Variants in NKAIN2 observed in about 807,000 individuals in gnomAD.
The protein encoded by NKAIN2 is sodium/potassium-transporting ATPase subunit beta-1-interacting protein 2.
A neutral mutation model predicts 32.6 loss-of-function variants in NKAIN2; 14 were observed. The ratio of observed to expected loss-of-function variants is 0.43; its 90% CI spans 0.28 to 0.67. The LOEUF is 0.67. Among genes scored for constraint, NKAIN2 ranks in the 30% least tolerant of loss-of-function variants. NKAIN2 has a pLI of 0.17. For missense variants in NKAIN2, 198 were observed against 258.3 expected (o/e 0.77, Z 1.60); for synonymous variants, 80 against 87.2 (o/e 0.92, Z 0.46).
chr6:124,423,419 A>G (rs1774843030), intron 3 of NKAIN2, among the ~76,000 whole-genome samples: 1 of 152,210 alleles, frequency 6.6e-6, no homozygotes, highest in Admixed American at 6.5e-5. Context: ...AATGTACATA[A>G]TAATACCTAC....
intron 5 of NKAIN2, among the ~76,000 whole-genome samples, chr6:124,817,059 T>C (rs1781198706): frequency 6.6e-6 from 1 of 152,158 alleles, no homozygotes; most frequent in South Asian, 2.1e-4. Flanking sequence ...CTCTGTTCTC[T>C]GATGTCAGAA....
chr6:123,981,493 A>G (rs1582880110), intron 1 of NKAIN2, among the ~76,000 whole-genome samples: 2 of 152,094 alleles, frequency 1.3e-5, no homozygotes, highest in African/African-American at 4.8e-5. Context: ...GTGAATGCAG[A>G]CCTTCCCATT....
Position 123,833,626 on chromosome 6 carries a change from A to G in NKAIN2, c.54+29372A>G, listed in dbSNP as rs553327982. 6.7e-5 allele frequency among the ~76,000 whole-genome samples: 10 copies of G among 149,950 alleles called. No homozygotes were observed. In the East Asian group the frequency reaches 1.6e-3, roughly 23 times the overall value. On this transcript the variant is annotated intron_variant, in intron 1 of 6. Coordinates refer to ENST00000368417, the MANE Select transcript of NKAIN2 (RefSeq NM_001040214.3). ...AGTTTTCCTCACACGGATTTTGTAT[A>G]TCTTTTATAGATTTGTACCTGATTT...
chr6:124,173,509 A>T (rs1788999597), intron 1 of NKAIN2, among the ~76,000 whole-genome samples: 1 of 152,114 alleles, frequency 6.6e-6, no homozygotes, highest in Admixed American at 6.6e-5. Context: ...GAAAGTGCAT[A>T]AAAAATGCAA....
chr6:124,199,993 T>A (rs901601245), intron 1 of NKAIN2, among the ~76,000 whole-genome samples: 1 of 152,142 alleles, frequency 6.6e-6, no homozygotes, highest in Non-Finnish European at 1.5e-5. Flanking sequence ...TAAGTAATTT[T>A]AAAAATGTAA....
At chr6:124,465,834 T>C (rs1415300379) in intron 3 of NKAIN2, among the ~76,000 whole-genome samples, 1 of 152,096 alleles carries the variant, frequency 6.6e-6, no homozygotes, top group Non-Finnish European at 1.5e-5. Context: ...CATCAATAGT[T>C]AGAAAGTTTT....
chr6:124,469,045 A>C (rs1219518313), intron 3 of NKAIN2, among the ~76,000 whole-genome samples: 1 of 152,126 alleles, frequency 6.6e-6, no homozygotes, highest in South Asian at 2.1e-4. Flanking sequence ...ACACTGTGTA[A>C]CTCCAGAGAC....
intron 3 of NKAIN2, among the ~76,000 whole-genome samples, chr6:124,480,990 G>A (rs1020999370): frequency 5.9e-5 from 9 of 152,008 alleles, no homozygotes; most frequent in East Asian, 1.9e-4. Flanking sequence ...AACACTGGGC[G>A]TTTACAAGAG....
At chr6:124,605,768 A>G (rs11154250) in intron 3 of NKAIN2, among the ~76,000 whole-genome samples, 26,208 of 152,064 alleles carry the variant, frequency 0.17, 2,488 homozygotes, top group Middle Eastern at 0.24. Context: ...TGGCTACCTA[A>G]AAGGAGGACA....
In NKAIN2 at chr6:124,735,989, T is replaced by C. The variant is rs150865157; in HGVS notation, c.475-55350T>C. Among the ~76,000 whole-genome samples the C allele has an allele frequency of 2.5e-3, 380 of 152,044 alleles. 1 individual carries two copies. Among genetic ancestry groups the C allele is most frequent in the African/African-American group, 8.5e-3 (354 of 41,526 alleles). ...GCTTTAAATCAAAAGCTAGAAATGATTCAGCTTAGTGGAGGAAGAAGGCAT... is the reference window on the plus strand; with the variant it reads ...GCTTTAAATCAAAAGCTAGAAATGACTCAGCTTAGTGGAGGAAGAAGGCAT... On this transcript the variant is annotated intron_variant, in intron 4 of 6. Transcript: ENST00000368417.
chr6:124,706,856 TA>T (rs1775103149), intron 4 of NKAIN2, among the ~76,000 whole-genome samples: 1 of 152,186 alleles, frequency 6.6e-6, no homozygotes, highest in Admixed American at 6.5e-5. Flanking sequence ...TTTTTTTTAT[TA>T]TACTTTAAGT....
At chr6:124,230,039 A>C (rs1220302112) in intron 1 of NKAIN2, among the ~76,000 whole-genome samples, 1 of 152,106 alleles carries the variant, frequency 6.6e-6, no homozygotes, top group Non-Finnish European at 1.5e-5. Context: ...ATGTGGGAAA[A>C]TTTGGAACTC....
At chr6:124,214,069 G>A (rs1162338078) in intron 1 of NKAIN2, among the ~76,000 whole-genome samples, 1 of 152,050 alleles carries the variant, frequency 6.6e-6, no homozygotes, top group Non-Finnish European at 1.5e-5. Flanking sequence ...TTCCTCCATT[G>A]TATACTTCAA....
intron 3 of NKAIN2, among the ~76,000 whole-genome samples, chr6:124,603,749 T>C (rs536497559): frequency 2.0e-5 from 3 of 151,990 alleles, no homozygotes; most frequent in South Asian, 2.1e-4. Context: ...AAGTGGGAAA[T>C]AGGGCTAACC....
At chr6:124,460,865 T>C (rs1047348412) in intron 3 of NKAIN2, among the ~76,000 whole-genome samples, 3 of 151,842 alleles carry the variant, frequency 2.0e-5, no homozygotes, top group Non-Finnish European at 4.4e-5. Flanking sequence ...TATATTGCAT[T>C]GATTTGTGTA....
At chr6:123,965,170 A>G (rs1458026372) in intron 1 of NKAIN2, among the ~76,000 whole-genome samples, 1 of 152,012 alleles carries the variant, frequency 6.6e-6, no homozygotes, top group Admixed American at 6.6e-5. Flanking sequence ...GATCCTACCC[A>G]TGCCCATCCT....
In NKAIN2 at chr6:124,215,259, G is replaced by A. The variant is rs561659791; in HGVS notation, c.55-67746G>A. On this transcript the variant is annotated intron_variant, in intron 1 of 6. Coordinates refer to ENST00000368417, the MANE Select transcript of NKAIN2 (RefSeq NM_001040214.3). The stretch of plus-strand genomic sequence containing the variant: ...CTCTCAGGAAATGTAGCCAAACTAG[G>A]TGAAAATAGGAGATAAAAGATTTTA... Among the ~76,000 whole-genome samples, 4 of 152,146 alleles carry A rather than the reference G, an allele frequency of 2.6e-5. No individual in the cohort carries two copies. The South Asian group carries it at 6.2e-4, about 24-fold the overall frequency.
At chr6:124,374,855 A>G (rs1247749586) in intron 3 of NKAIN2, among the ~76,000 whole-genome samples, 4 of 152,106 alleles carry the variant, frequency 2.6e-5, no homozygotes, top group African/African-American at 9.7e-5. Context: ...AATTAGTTCT[A>G]AAATGATAAT....
At chr6:124,063,892 A>G (rs113304565) in intron 1 of NKAIN2, among the ~76,000 whole-genome samples, 2,046 of 152,244 alleles carry the variant, frequency 0.013, 34 homozygotes, top group African/African-American at 0.039. Context: ...TTAGCACACA[A>G]TGCAAATATA....
Sources: allele counts gnomAD v4.1 joint callset (sites outside exome capture counted in the v4.1 genomes callset), GRCh38; gene constraint gnomAD v4.1.1; transcripts MANE v1.5; gene names NCBI Gene and HGNC (gene_info 2026-07-23, HGNC 2026-07-21).